The following TTC6 variants were observed in gnomAD, a reference collection of about 807,000 sequenced individuals.
TTC6 encodes the protein tetratricopeptide repeat domain 6, also known as tetratricopeptide repeat protein 6.
TTC6 carries 172 observed loss-of-function variants against 210.4 expected under a neutral mutation model. The observed-to-expected ratio is 0.82, with a 90% CI of 0.72 to 0.93. The LOEUF is 0.93. TTC6 is among the 40% of genes least tolerant of loss of function. TTC6 has a pLI of 0.00. For missense variants in TTC6, 2,414 were observed against 2,318.1 expected (o/e 1.04, Z -0.85); for synonymous variants, 804 against 819.6 (o/e 0.98, Z 0.32).
At chr14:37,737,017 C>A (rs1056931708) in intron 8 of TTC6, among the ~76,000 whole-genome samples, 17 of 152,136 alleles carry the variant, frequency 1.1e-4, no homozygotes, top group Non-Finnish European at 2.9e-5. Flanking sequence ...CTCAGCCTCC[C>A]AAACTGTTGG....
intron 27 of TTC6, among the ~76,000 whole-genome samples, chr14:37,824,411 C>G (rs2096165550): frequency 6.6e-6 from 1 of 152,122 alleles, no homozygotes; most frequent in South Asian, 2.1e-4. Flanking sequence ...TTTGCAAAGT[C>G]CATTTAAAGA....
chr14:37,677,802 G>GAGAAAGCCTTCT (rs1283127499), intron 1 of TTC6, among the ~76,000 whole-genome samples: 2 of 151,836 alleles, frequency 1.3e-5, no homozygotes, highest in African/African-American at 2.4e-5. Flanking sequence ...CTTCTGCAAT[G>GAGAAAGCCTTCT]TCTTTCTCTT....
At chr14:37,745,682 C>T (rs981029006) in intron 10 of TTC6, among the ~76,000 whole-genome samples, 3 of 152,110 alleles carry the variant, frequency 2.0e-5, no homozygotes, top group Non-Finnish European at 2.9e-5. Context: ...GATTGATAAA[C>T]GTCAGTGGGA....
At chr14:37,662,906 T>C (rs2095740233) in intron 1 of TTC6, among the ~76,000 whole-genome samples, 1 of 152,216 alleles carries the variant, frequency 6.6e-6, no homozygotes, top group Non-Finnish European at 1.5e-5. Context: ...TAAAATAGTT[T>C]TTCCCTAGTT....
At chr14:37,737,798 A>T in intron 9 of TTC6, 64 bp downstream of exon 11, 1 of 873,912 alleles carries the variant, frequency 1.1e-6, no homozygotes, top group Non-Finnish European at 1.6e-6. Flanking sequence ...AATAATAATC[A>T]CCTTATTTTT....
At chr14:37,812,692 G>A (rs182570191) in intron 25 of TTC6, among the ~76,000 whole-genome samples, 14 of 151,104 alleles carry the variant, frequency 9.3e-5, no homozygotes, top group Non-Finnish European at 1.9e-4. Context: ...TCTTAAGGGA[G>A]TACAGACAAA....
intron 1 of TTC6, among the ~76,000 whole-genome samples, chr14:37,657,387 C>CA (rs948336357): frequency 2.1e-5 from 3 of 141,500 alleles, no homozygotes; most frequent in African/African-American, 7.8e-5. Context: ...TCAAATAAAA[C>CA]AAAAAAATCT....
intron 2 of TTC6, among the ~76,000 whole-genome samples, chr14:37,616,175 A>G (rs1402119208): frequency 6.6e-6 from 1 of 152,108 alleles, no homozygotes; most frequent in Non-Finnish European, 1.5e-5. Flanking sequence ...TCAGTCGGAG[A>G]CGTGTGGGGT....
At chr14:37,609,900 T>C (rs2095631459) in intron 2 of TTC6, among the ~76,000 whole-genome samples, 1 of 152,116 alleles carries the variant, frequency 6.6e-6, no homozygotes, top group African/African-American at 2.4e-5. Context: ...CCATACAGAG[T>C]GCTCACAGGG....
intron 2 of TTC6, 66 bp downstream of exon 2, chr14:37,606,808 T>C: frequency 1.0e-6 from 1 of 982,460 alleles, no homozygotes; most frequent in African/African-American, 1.7e-5. Flanking sequence ...CTCTACTCCT[T>C]CCCTGTCACC....
intron 14 of TTC6, among the ~76,000 whole-genome samples, chr14:37,769,905 T>A (rs971531565): frequency 2.0e-5 from 3 of 151,818 alleles, no homozygotes; most frequent in Admixed American, 6.6e-5. Context: ...AGGGTGTCAA[T>A]TTTGAATCTT....
At chr14:37,650,429 C>A (rs970496573) in intron 1 of TTC6, among the ~76,000 whole-genome samples, 4 of 152,206 alleles carry the variant, frequency 2.6e-5, no homozygotes, top group African/African-American at 9.6e-5. Flanking sequence ...CCTTCTCTCA[C>A]AGCTCTCATC....
intron 10 of TTC6, among the ~76,000 whole-genome samples, chr14:37,740,331 G>C (rs2095915203): frequency 1.3e-5 from 2 of 152,084 alleles, no homozygotes; most frequent in African/African-American, 2.4e-5. Context: ...TCATTATTAA[G>C]TATTCAGGAC....
chr14:37,622,940 C>T, exon 1 of TTC6: 1 of 1,531,400 alleles, frequency 6.5e-7, no homozygotes, highest in Non-Finnish European at 8.7e-7. Flanking sequence ...AGCTGGCCTC[C>T]GACCAGACCA....
chr14:37,757,105 C>A (rs547465639), intron 14 of TTC6, among the ~76,000 whole-genome samples: 63 of 152,104 alleles, frequency 4.1e-4, no homozygotes, highest in Non-Finnish European at 8.8e-4. Flanking sequence ...GGAATTTATC[C>A]ATTTCTTCTA....
intron 1 of TTC6, among the ~76,000 whole-genome samples, chr14:37,605,431 C>T (rs1189537949): frequency 6.7e-6 from 1 of 150,340 alleles, no homozygotes; most frequent in Non-Finnish European, 1.5e-5. Flanking sequence ...AACAACACAT[C>T]TTCAAAGCTT....
chr14:37,830,404 A>AT (rs760953715), intron 29 of TTC6, among the ~76,000 whole-genome samples: 27 of 150,454 alleles, frequency 1.8e-4, no homozygotes, highest in East Asian at 5.9e-4. Flanking sequence ...TTCAGTTAAC[A>AT]TTTTTTTTTC....
At chr14:37,749,028 C>A (rs1466826746) in exon 11 of TTC6, 3 of 1,535,466 alleles carry the variant, frequency 2.0e-6, no homozygotes, top group East Asian at 4.9e-5. Context: ...CCCAGTTTAC[C>A]TTTGTATTTA....
chr14:37,671,285 G>C (rs2095757652), intron 1 of TTC6, among the ~76,000 whole-genome samples: 1 of 152,132 alleles, frequency 6.6e-6, no homozygotes, highest in African/African-American at 2.4e-5. Flanking sequence ...GATCCAGAGA[G>C]GGCAATGCGG....
Sources: gnomAD v4.1 joint callset for allele counts (sites outside exome capture counted in the v4.1 genomes callset) on GRCh38, gnomAD v4.1.1 for gene constraint, MANE v1.5 for transcripts, NCBI Gene and HGNC (gene_info 2026-07-23, HGNC 2026-07-21) for gene names.